Variants in NCALD observed in about 807,000 individuals in gnomAD.
NCALD encodes the protein neurocalcin-delta.
NCALD carries 10 observed loss-of-function variants against 18.6 expected under a neutral mutation model. The ratio of observed to expected loss-of-function variants is 0.54; its 90% CI spans 0.33 to 0.91. The LOEUF is 0.91. Among genes scored for constraint, NCALD ranks in the 40% least tolerant of loss-of-function variants. NCALD has a pLI of 0.03. For missense variants in NCALD, 184 were observed against 247.6 expected (o/e 0.74, Z 1.72); for synonymous variants, 88 against 87.4 (o/e 1.01, Z -0.04).
At chr8:101,964,563 A>C (rs1401650269) in intron 2 of NCALD, among the ~76,000 whole-genome samples, 1 of 152,152 alleles carries the variant, frequency 6.6e-6, no homozygotes, top group East Asian at 1.9e-4. Context: ...CAAATTTGGA[A>C]TTGGTGCACA....
intron 1 of NCALD, among the ~76,000 whole-genome samples, chr8:101,734,407 A>G (rs1208651234): frequency 6.6e-6 from 1 of 152,220 alleles, no homozygotes; most frequent in Non-Finnish European, 1.5e-5. Flanking sequence ...GCACAGTTAT[A>G]TGCTTAAAAT....
At chr8:102,017,971 G>T (rs1822145914) in intron 2 of NCALD, among the ~76,000 whole-genome samples, 1 of 152,134 alleles carries the variant, frequency 6.6e-6, no homozygotes, top group South Asian at 2.1e-4. Context: ...TACGCAGATG[G>T]CAAAGTAGGA....
At chr8:102,098,809 T>A (rs1244000219) in intron 1 of NCALD, among the ~76,000 whole-genome samples, 1 of 152,234 alleles carries the variant, frequency 6.6e-6, no homozygotes, top group Admixed American at 6.5e-5. Context: ...TGTACCATGA[T>A]GGCCACATGA....
At chr8:101,857,930 CA>C (rs1464864793) in intron 4 of NCALD, among the ~76,000 whole-genome samples, 3 of 152,228 alleles carry the variant, frequency 2.0e-5, no homozygotes, top group African/African-American at 7.2e-5. Context: ...AGCAAAGATA[CA>C]AATATATACT....
At chr8:101,738,866 T>C (rs1810054915) in intron 1 of NCALD, among the ~76,000 whole-genome samples, 1 of 152,142 alleles carries the variant, frequency 6.6e-6, no homozygotes, top group Non-Finnish European at 1.5e-5. Flanking sequence ...CAACAGTATC[T>C]TAATCACCTT....
chr8:101,715,165 A>G (rs538142656), intron 2 of NCALD, among the ~76,000 whole-genome samples: 39 of 152,316 alleles, frequency 2.6e-4, no homozygotes, highest in African/African-American at 9.1e-4. Flanking sequence ...AGGCCTCAAA[A>G]ATAACACCAC....
chr8:101,750,445 T>A (rs868585505), intron 1 of NCALD, among the ~76,000 whole-genome samples: 8 of 152,056 alleles, frequency 5.3e-5, no homozygotes, highest in Non-Finnish European at 1.0e-4. Context: ...TTTCCCAAGG[T>A]CTGTATATTT....
At chr8:101,935,459 A>G (rs889406969) in intron 2 of NCALD, among the ~76,000 whole-genome samples, 5 of 152,228 alleles carry the variant, frequency 3.3e-5, no homozygotes, top group Non-Finnish European at 7.3e-5. Flanking sequence ...TCCTATAACT[A>G]AAGAGTTTAC....
intron 1 of NCALD, chr8:101,750,568 A>G (rs1111886): frequency 0.77 from 116,529 of 152,236 alleles, 44,694 homozygotes; most frequent in East Asian, 0.84. Context: ...TAAAATGGCA[A>G]CAGGCACGCC....
At position 102,082,226 on chromosome 8, in the gene NCALD, C is replaced by CTTTTTTTTTT. The variant is rs757875219; in HGVS notation, c.-210+42001_-210+42010dup. 4.3e-4 allele frequency among the ~76,000 whole-genome samples: 31 copies of CTTTTTTTTTT among 71,862 alleles called. 1 individual carries two copies. Among genetic ancestry groups the CTTTTTTTTTT allele is most frequent in the Non-Finnish European group, 5.7e-4 (24 of 42,108 alleles). 47.1% of individuals were successfully genotyped at this position (71,862 alleles called of 152,430 possible). On this transcript the variant is annotated intron_variant, in intron 1 of 6. Coordinates refer to the NCALD transcript ENST00000311028. ...TGGGCAGTTATTTGAGAAGCTCTCT[C>CTTTTTTTTTT]TTTTTTTTTTTTTTTTTTTTTTTTG...
At chr8:101,722,876 T>A (rs75533169) in intron 1 of NCALD, among the ~76,000 whole-genome samples, 1,761 of 152,308 alleles carry the variant, frequency 0.012, 64 homozygotes, top group East Asian at 0.11. Flanking sequence ...GTGTTCACAA[T>A]TAAGCCTAGA....
intron 1 of NCALD, among the ~76,000 whole-genome samples, chr8:101,782,123 A>C (rs932217592): frequency 4.2e-5 from 6 of 144,290 alleles, no homozygotes; most frequent in Non-Finnish European, 6.1e-5. Flanking sequence ...TATTTATATA[A>C]ATTTTCATTG....
At chr8:101,790,314 G>A (rs972562289) in intron 1 of NCALD, among the ~76,000 whole-genome samples, 2 of 152,044 alleles carry the variant, frequency 1.3e-5, no homozygotes, top group Admixed American at 1.3e-4. Flanking sequence ...ATTTTTCCTG[G>A]TACTTTCAGA....
intron 4 of NCALD, among the ~76,000 whole-genome samples, chr8:101,882,520 C>A (rs1056741121): frequency 6.6e-6 from 1 of 152,162 alleles, no homozygotes; most frequent in African/African-American, 2.4e-5. Flanking sequence ...AAATAAATTT[C>A]TGTTGTTTAT....
chr8:102,005,168 TCAAA>T (rs1821650810), intron 2 of NCALD, among the ~76,000 whole-genome samples: 3 of 151,840 alleles, frequency 2.0e-5, no homozygotes, highest in African/African-American at 7.3e-5. Flanking sequence ...TACAATGAAC[TCAAA>T]CAAATTTACA....
intron 2 of NCALD, among the ~76,000 whole-genome samples, chr8:102,003,589 A>G (rs560773895): frequency 6.6e-6 from 1 of 152,376 alleles, no homozygotes; most frequent in East Asian, 1.9e-4. Flanking sequence ...AGAGAATTTT[A>G]GACCAATATC....
intron 1 of NCALD, among the ~76,000 whole-genome samples, chr8:102,073,221 A>G (rs1824235696): frequency 6.6e-6 from 1 of 152,218 alleles, no homozygotes; most frequent in African/African-American, 2.4e-5. Context: ...GAATTGCTTG[A>G]AGCCGGGAGG....
chr8:101,960,907 T>A (rs748273895), intron 2 of NCALD, among the ~76,000 whole-genome samples: 1 of 152,132 alleles, frequency 6.6e-6, no homozygotes, highest in Non-Finnish European at 1.5e-5. Context: ...GTCACTTAGG[T>A]CTCTACCCAA....
At chr8:102,036,527 C>A (rs1822871016) in intron 1 of NCALD, among the ~76,000 whole-genome samples, 2 of 152,094 alleles carry the variant, frequency 1.3e-5, no homozygotes, top group Admixed American at 1.3e-4. Context: ...GTAATCCCAG[C>A]ACTTTGGGAG....
Sources: gnomAD v4.1 joint callset for allele counts (sites outside exome capture counted in the v4.1 genomes callset) on GRCh38, gnomAD v4.1.1 for gene constraint, MANE v1.5 for transcripts, NCBI Gene and HGNC (gene_info 2026-07-23, HGNC 2026-07-21) for gene names.